The following ITSN2 variants were observed in gnomAD, a reference collection of about 807,000 sequenced individuals.
ITSN2 encodes intersectin-2.
A neutral mutation model predicts 243.7 loss-of-function variants in ITSN2; 156 were observed. That is an observed-to-expected ratio of 0.64 (90% CI 0.56 to 0.73). ITSN2 has a LOEUF of 0.73. Among genes scored for constraint, ITSN2 ranks in the 30% least tolerant of loss-of-function variants. The pLI is 0.00. For synonymous variants in ITSN2, 703 were observed against 699.9 expected (o/e 1.00, Z -0.07); for missense variants, 1,801 against 1,996.1 (o/e 0.90, Z 1.86).
chr2:24,351,530 C>A (rs1475393259), intron 1 of ITSN2, among the ~76,000 whole-genome samples: 1 of 152,204 alleles, frequency 6.6e-6, no homozygotes, highest in East Asian at 1.9e-4. Context: ...CAGTAGACCC[C>A]CTTATCTGCA....
chr2:24,206,356 A>G, intron 37 of ITSN2: 1 of 361,376 alleles, frequency 2.8e-6, no homozygotes. Context: ...GGCAGGCTGC[A>G]TGGGGGGGCC....
chr2:24,210,777 G>T lies in ITSN2; in HGVS notation c.4257+3C>A. ...GCGCACGGCTTAACCACACAGGCCT[G>T]ACCTCCGCGAGGCCTTCACACTGCA... On this transcript the variant is annotated splice_donor_region_variant and intron_variant, in intron 34 of 39. Transcript: ENST00000355123. 6.2e-7 allele frequency: 1 copy of T among 1,613,294 alleles called. No individual in the cohort carries two copies. Among genetic ancestry groups the T allele is most frequent in the South Asian group, 1.1e-5 (1 of 91,016 alleles).
intron 35 of ITSN2, 57 bp from the exon 36 acceptor site, chr2:24,209,278 C>T (rs914105141): frequency 1.1e-5 from 18 of 1,602,772 alleles, no homozygotes; most frequent in Non-Finnish European, 1.5e-5. Flanking sequence ...ACTCCACCCG[C>T]CTATGTCCAG....
In ITSN2 at chr2:24,264,930, C is replaced by CAA. The variant is rs151096868; in HGVS notation, c.2356-3190_2356-3189dup. The stretch of plus-strand genomic sequence containing the variant: ...CATTTGCTACAAAAACAAAAAGAAA[C>CAA]AAAAAAAAAAAACAAAGCCTGCTGA... On this transcript the variant is annotated intron_variant, in intron 20 of 39. Coordinates refer to ENST00000355123, the MANE Select transcript of ITSN2 (RefSeq NM_006277.3). 2.2e-3 allele frequency among the ~76,000 whole-genome samples: 305 copies of CAA among 137,112 alleles called. 3 individuals carry two copies. Among genetic ancestry groups the CAA allele is most frequent in the African/African-American group, 4.7e-3 (173 of 36,724 alleles). 90.0% of individuals were successfully genotyped at this position (137,112 alleles called of 152,430 possible).
intron 15 of ITSN2, among the ~76,000 whole-genome samples, chr2:24,292,697 C>T (rs545598606): frequency 2.0e-5 from 3 of 152,334 alleles, no homozygotes; most frequent in East Asian, 1.9e-4. Context: ...AGAGACTTAA[C>T]TGCCCACAGG....
At chr2:24,266,811 C>CCTGT (rs1676708754) in intron 20 of ITSN2, among the ~76,000 whole-genome samples, 1 of 150,676 alleles carries the variant, frequency 6.6e-6, no homozygotes, top group South Asian at 2.1e-4. Flanking sequence ...GTGGTGTGTG[C>CCTGT]CTGTAGTCTC....
intron 1 of ITSN2, among the ~76,000 whole-genome samples, chr2:24,343,939 G>A (rs1687288324): frequency 6.6e-6 from 1 of 152,126 alleles, no homozygotes. Context: ...CCACAGACAG[G>A]GGAGGAGGGG....
chr2:24,281,843 C>CA (rs547336284), intron 17 of ITSN2, among the ~76,000 whole-genome samples: 179 of 152,372 alleles, frequency 1.2e-3, no homozygotes, highest in Non-Finnish European at 2.1e-3. Context: ...CTTTCCATCT[C>CA]AAAAAACCAA....
intron 20 of ITSN2, among the ~76,000 whole-genome samples, chr2:24,262,876 C>T (rs550812813): frequency 6.6e-6 from 1 of 152,268 alleles, no homozygotes; most frequent in South Asian, 2.1e-4. Context: ...AAAATTTAGT[C>T]ATTCTAAATA....
At chr2:24,352,170 T>G (rs1473583998) in intron 1 of ITSN2, among the ~76,000 whole-genome samples, 1 of 152,228 alleles carries the variant, frequency 6.6e-6, no homozygotes, top group East Asian at 1.9e-4. Flanking sequence ...ACTAGGGGTT[T>G]TGGAATGTAT....
At chr2:24,239,360 A>G (rs1672490546) in intron 29 of ITSN2, 1 of 152,136 alleles carries the variant, frequency 6.6e-6, no homozygotes. Flanking sequence ...TTATTTCAAA[A>G]CATTTAAATA....
chr2:24,317,098 T>C (rs2551121), intron 2 of ITSN2, among the ~76,000 whole-genome samples: 52,043 of 152,118 alleles, frequency 0.34, 9,358 homozygotes, highest in African/African-American at 0.42. Flanking sequence ...AAAGTGGCAG[T>C]GGCCGGGCGC....
intron 29 of ITSN2, among the ~76,000 whole-genome samples, chr2:24,232,411 ACCT>A (rs1671716225): frequency 6.6e-6 from 1 of 152,150 alleles, no homozygotes; most frequent in Non-Finnish European, 1.5e-5. Flanking sequence ...GACAGCAATG[ACCT>A]CCTAATGATA....
At chr2:24,280,151 T>C (rs2151514559) in intron 17 of ITSN2, among the ~76,000 whole-genome samples, 1 of 152,354 alleles carries the variant, frequency 6.6e-6, no homozygotes, top group South Asian at 2.1e-4. Context: ...TGTACATGCA[T>C]ATTGCAGGTT....
At chr2:24,285,652 T>C (rs561889287) in intron 16 of ITSN2, among the ~76,000 whole-genome samples, 1 of 152,360 alleles carries the variant, frequency 6.6e-6, no homozygotes, top group East Asian at 1.9e-4. Flanking sequence ...TGGTGAATGA[T>C]ATGCAGACAG....
intron 17 of ITSN2, among the ~76,000 whole-genome samples, chr2:24,277,132 T>C (rs981582602): frequency 6.6e-6 from 1 of 152,114 alleles, no homozygotes; most frequent in Non-Finnish European, 1.5e-5. Context: ...CTAGATTTCT[T>C]TCATTTGGAA....
In ITSN2 at chr2:24,271,749, A is replaced by C; in HGVS notation, c.2257+17T>G. 6.5e-7 allele frequency: 1 copy of C among 1,547,888 alleles called. No individual in the cohort carries two copies. The highest frequency in any genetic ancestry group is 2.3e-5 in the East Asian group (1 of 43,978). On this transcript the variant is annotated intron_variant, in intron 19 of 39. Coordinates refer to ENST00000355123, the MANE Select transcript of ITSN2 (RefSeq NM_006277.3). ...TGTTGCATTTGTTCTACTGTCTCAA[A>C]GTATCCTTATCCTTACGTTTTTTCT...
In ITSN2 at chr2:24,211,272, T is replaced by C. The variant is rs999809758; in HGVS notation, c.4090-325A>G. ...CCGACTCCTTCCGAAATTTAAGCCA[T>C]GTAAGGGTGCGCCCTCCTGTATAAA... On this transcript the variant is annotated intron_variant, in intron 33 of 39. Transcript: ENST00000355123. This position sits in a 1 kb window ranked among gnomAD's most constrained non-coding sequence, Gnocchi z 4.1. Among the ~76,000 whole-genome samples, 4 of 152,162 alleles carry C rather than the reference T, an allele frequency of 2.6e-5. No homozygotes were observed. The highest frequency in any genetic ancestry group is 9.7e-5 in the African/African-American group (4 of 41,440).
At chr2:24,215,712 G>A (rs1307673356) in intron 32 of ITSN2, among the ~76,000 whole-genome samples, 5 of 149,964 alleles carry the variant, frequency 3.3e-5, no homozygotes, top group Admixed American at 3.3e-4. Context: ...ACTCTTTCTG[G>A]AATAAGGCAG....
Sources: allele counts gnomAD v4.1 joint callset (sites outside exome capture counted in the v4.1 genomes callset), GRCh38; gene constraint gnomAD v4.1.1; non-coding constraint Gnocchi (gnomAD v3.1); transcripts MANE v1.5; gene names NCBI Gene and HGNC (gene_info 2026-07-23, HGNC 2026-07-21).